The following LRIG1 variants were observed in gnomAD, a reference collection of about 807,000 sequenced individuals.
LRIG1 encodes leucine-rich repeats and immunoglobulin-like domains protein 1.
Under a neutral mutation model 99.2 loss-of-function variants are expected in LRIG1, and 48 were observed. The ratio of observed to expected loss-of-function variants is 0.48; its 90% CI spans 0.38 to 0.62. LRIG1 has a LOEUF of 0.62. Among genes scored for constraint, LRIG1 ranks in the 20% least tolerant of loss-of-function variants. The probability of loss-of-function intolerance (pLI) is 0.00; values close to 1 mark genes in which losing one functional copy is unlikely to be tolerated. For synonymous variants in LRIG1, 772 were observed against 596.1 expected (o/e 1.29, Z -4.30); for missense variants, 1,646 against 1,434.4 (o/e 1.15, Z -2.38).
chr3:66,389,641 C>CAT (rs1399097951), intron 12 of LRIG1, among the ~76,000 whole-genome samples: 9 of 152,054 alleles, frequency 5.9e-5, no homozygotes, highest in Admixed American at 4.6e-4. Context: ...ATGATAAATA[C>CAT]ATATATACCT....
intron 1 of LRIG1, among the ~76,000 whole-genome samples, chr3:66,474,151 C>T (rs548443705): frequency 3.1e-4 from 47 of 152,306 alleles, no homozygotes; most frequent in Non-Finnish European, 6.5e-4. Flanking sequence ...TTCCTTTTCA[C>T]TGAAATTACA....
intron 3 of LRIG1, among the ~76,000 whole-genome samples, chr3:66,447,800 A>G (rs1703777192): frequency 6.6e-6 from 1 of 152,260 alleles, no homozygotes; most frequent in African/African-American, 2.4e-5. Context: ...CCGGAAAAAC[A>G]GAGATTTTTC....
At chr3:66,406,128 A>C (rs1423649506) in intron 8 of LRIG1, 2 of 985,532 alleles carry the variant, frequency 2.0e-6, no homozygotes, top group Non-Finnish European at 2.4e-6. Flanking sequence ...AGCAGGAATC[A>C]ATGCTGCCAG....
In LRIG1 at chr3:66,415,953, A is replaced by C. The variant is rs539270577; in HGVS notation, c.504-890T>G. Among the ~76,000 whole-genome samples the C allele has an allele frequency of 7.9e-5, 12 of 152,334 alleles. No individual in the cohort carries two copies. The South Asian group carries it at 1.9e-3, about 24-fold the overall frequency. ...TCTGCCACAGAGGGTGGAAGGGAGC[A>C]AGGCACTTTTTGTCTCTCCAGCAGA... On this transcript the variant is annotated intron_variant, in intron 4 of 18. Transcript: ENST00000273261.
At chr3:66,498,582 C>A (rs1323112298) in intron 1 of LRIG1, among the ~76,000 whole-genome samples, 2 of 145,678 alleles carry the variant, frequency 1.4e-5, no homozygotes, top group African/African-American at 5.3e-5. Flanking sequence ...AAAAAAAAAA[C>A]TACCGTATGT....
At chr3:66,451,075 T>A (rs1331676584) in intron 3 of LRIG1, among the ~76,000 whole-genome samples, 1 of 152,204 alleles carries the variant, frequency 6.6e-6, no homozygotes, top group Non-Finnish European at 1.5e-5. Flanking sequence ...GATCGCATCT[T>A]ATCTAACACT....
intron 3 of LRIG1, among the ~76,000 whole-genome samples, chr3:66,447,351 C>T (rs1167850147): frequency 1.3e-5 from 2 of 152,222 alleles, no homozygotes; most frequent in East Asian, 3.9e-4. Context: ...CCCACACTGC[C>T]TCCCCATGTC....
At chr3:66,425,040 T>A (rs1039791394) in intron 3 of LRIG1, among the ~76,000 whole-genome samples, 6 of 152,202 alleles carry the variant, frequency 3.9e-5, no homozygotes, top group African/African-American at 1.2e-4. Flanking sequence ...TATCTGGACA[T>A]AACTCCATTG....
chr3:66,468,405 GT>G (rs1441988877), intron 1 of LRIG1, among the ~76,000 whole-genome samples: 4 of 152,180 alleles, frequency 2.6e-5, no homozygotes, highest in African/African-American at 9.7e-5. Context: ...GAAGGAATTG[GT>G]CCTAAATCCG....
At position 66,382,344 on chromosome 3, in the gene LRIG1, A is replaced by G. The variant is rs1244406369; in HGVS notation, c.2546T>C (p.Leu849Pro). The change falls in exon 16 of 19, where the codon CTT (leucine) becomes CCT (proline). Residue 849 changes from leucine (L) to proline (P), a missense_variant. Coordinates refer to ENST00000273261, the MANE Select transcript of LRIG1 (RefSeq NM_015541.3). The stretch of plus-strand genomic sequence containing the variant: ...GACCACGGTTTCTTGTCGGTCAGAA[A>G]GGGTCCCCTGAGAAGAGAGGTAGCT... ...VPSYLSSQGT[L>P]SDRQETVVRT... is the part of the protein sequence containing the mutation. The G allele has an allele frequency of 4.3e-6, 7 of 1,614,196 alleles. No individual in the cohort carries two copies. Among genetic ancestry groups the G allele is most frequent in the Admixed American group, 1.7e-5 (1 of 60,030 alleles).
intron 8 of LRIG1, 78 bp from the exon 9 acceptor site, chr3:66,405,356 C>G (rs984294970): frequency 1.5e-5 from 18 of 1,210,030 alleles, no homozygotes; most frequent in Admixed American, 1.1e-4. Context: ...GCCTGCTGCT[C>G]GGAAGCTGAA....
intron 3 of LRIG1, among the ~76,000 whole-genome samples, chr3:66,442,517 C>T (rs1393077911): frequency 1.3e-5 from 2 of 151,860 alleles, no homozygotes; most frequent in African/African-American, 4.8e-5. Flanking sequence ...TGGGCTGGAG[C>T]CAACCCCTTT....
intron 1 of LRIG1, among the ~76,000 whole-genome samples, chr3:66,477,419 A>C (rs1448639252): frequency 1.3e-5 from 2 of 152,232 alleles, no homozygotes; most frequent in East Asian, 3.8e-4. Context: ...ATACAGGACA[A>C]GATGATCCTA....
chr3:66,417,777 A>G (rs902035558), intron 3 of LRIG1: 1 of 149,820 alleles, frequency 6.7e-6, no homozygotes, highest in Non-Finnish European at 1.5e-5. Context: ...GACACAGAGG[A>G]TTTAAACAAA....
chr3:66,471,482 G>C (rs191213582), intron 1 of LRIG1, among the ~76,000 whole-genome samples: 2 of 152,114 alleles, frequency 1.3e-5, no homozygotes, highest in Non-Finnish European at 2.9e-5. Flanking sequence ...GGTGCTCCCT[G>C]CTCCCACTGA....
At chr3:66,436,462 T>C (rs1703361388) in intron 3 of LRIG1, among the ~76,000 whole-genome samples, 1 of 152,192 alleles carries the variant, frequency 6.6e-6, no homozygotes, top group African/African-American at 2.4e-5. Context: ...TTTGCTAAAC[T>C]TACATGACCA....
intron 1 of LRIG1, among the ~76,000 whole-genome samples, chr3:66,476,428 C>A (rs565698505): frequency 3.3e-5 from 5 of 152,096 alleles, no homozygotes; most frequent in Non-Finnish European, 5.9e-5. Flanking sequence ...AGGTAAAAGT[C>A]AAAAGAAATA....
At position 66,383,238 on chromosome 3, in the gene LRIG1, G is replaced by T; in HGVS notation, c.2235C>A (p.Asn745Lys). 1 of 1,614,242 alleles carries T rather than the reference G, an allele frequency of 6.2e-7. No homozygotes were observed. Among genetic ancestry groups the T allele is most frequent in the Non-Finnish European group, 8.5e-7 (1 of 1,180,050 alleles). Residue 745 changes from asparagine (N) to lysine (K), a missense_variant, in exon 15 of 19, where the codon AAC becomes AAA. By Grantham distance (94) the Asn-to-Lys change is moderately conservative (BLOSUM62 0). Coordinates refer to ENST00000273261, the MANE Select transcript of LRIG1 (RefSeq NM_015541.3). Reference sequence around the variant, plus strand: ...CCACGTTCTGAACCACCAGGAGCTGGTTGTCAGGGGTCAAGTGGTGCCGCT... The same window carrying T: ...CCACGTTCTGAACCACCAGGAGCTGTTTGTCAGGGGTCAAGTGGTGCCGCT... ...LTERHHLTPD[N>K]QLLVVQNVVA...
intron 6 of LRIG1, 107 bp from the exon 7 acceptor site, chr3:66,410,379 C>CTAGAACAGTGCACGACAGAACTGTGGAG (rs1702426344): frequency 9.1e-7 from 1 of 1,100,092 alleles, no homozygotes; most frequent in African/African-American, 1.6e-5. Flanking sequence ...CACACCAAGG[C>CTAGAACAGTGCACGACAGAACTGTGGAG]TAGAACAGTG....
Sources: allele counts gnomAD v4.1 joint callset (sites outside exome capture counted in the v4.1 genomes callset), GRCh38; gene constraint gnomAD v4.1.1; transcripts MANE v1.5; gene names NCBI Gene and HGNC (gene_info 2026-07-23, HGNC 2026-07-21).